Variants in MFAP5 observed in about 807,000 individuals in gnomAD.
MFAP5 encodes the protein microfibril associated protein 5.
A neutral mutation model predicts 30.1 loss-of-function variants in MFAP5; 19 were observed. The observed-to-expected ratio is 0.63, with a 90% CI of 0.44 to 0.93. The LOEUF (loss-of-function observed/expected upper bound fraction) is 0.93. Among genes scored for constraint, MFAP5 ranks in the 40% least tolerant of loss-of-function variants. MFAP5 has a pLI of 0.00. For missense variants in MFAP5, 210 were observed against 221.3 expected, an observed-to-expected ratio of 0.95 and a Z score of 0.32; for synonymous variants, 92 against 72.9, an observed-to-expected ratio of 1.26 and a Z score of -1.33.
chr12:8,658,101 C>G (rs763444242), intron 3 of MFAP5, among the ~76,000 whole-genome samples: 3 of 152,220 alleles, frequency 2.0e-5, no homozygotes, highest in Admixed American at 2.0e-4. Flanking sequence ...GTAATCCCAG[C>G]ATTTTGGGAG....
intron 9 of MFAP5, among the ~76,000 whole-genome samples, chr12:8,648,795 G>A (rs61354288): frequency 0.018 from 2,756 of 152,254 alleles, 77 homozygotes; most frequent in African/African-American, 0.063. Context: ...AGCACAAAGC[G>A]GGCTGCTGAG....
rs777242064 is a variant in MFAP5 at position 8,649,532 on chromosome 12, A to T, written c.378T>A (p.Arg126=). ...MYIVNKEICS[R]LVCKEHEAMK... ...TAGCTTCGTGTTCCTTACAGACAAG[A>T]CGAGAGCAGATCTCCTTGTTGACGA... The change falls in exon 9 of 10, where the codon CGT becomes CGA. Residue 126 remains arginine (R), a synonymous_variant. Transcript: ENST00000359478. 1.2e-6 allele frequency: 2 copies of T among 1,614,100 alleles called. No individual in the cohort carries two copies. Among genetic ancestry groups the T allele is most frequent in the South Asian group, 2.2e-5 (2 of 91,076 alleles).
chr12:8,652,182 C>T (rs774119750), intron 6 of MFAP5, among the ~76,000 whole-genome samples: 7 of 152,228 alleles, frequency 4.6e-5, no homozygotes, highest in Admixed American at 2.6e-4. Context: ...CAATGGCTCA[C>T]ACCTGTAATC....
chr12:8,662,411 CT>C, intron 1 of MFAP5: 2 of 295,084 alleles, frequency 6.8e-6, no homozygotes, highest in Admixed American at 9.5e-5. Context: ...TCTTTCACCC[CT>C]GATGTGGAAT....
At chr12:8,661,208 C>T (rs957534330) in intron 2 of MFAP5, among the ~76,000 whole-genome samples, 1 of 152,160 alleles carries the variant, frequency 6.6e-6, no homozygotes, top group East Asian at 1.9e-4. Flanking sequence ...GAATGAAGTC[C>T]AGCTCCACTG....
chr12:8,648,368 C>T, intron 9 of MFAP5, 165 bp from the exon 10 acceptor site: 14 of 920,854 alleles, frequency 1.5e-5, no homozygotes, highest in South Asian at 1.5e-4. Flanking sequence ...TTTGCCACTT[C>T]CTAGAAAGTT....
At chr12:8,651,584 A>G (rs768001543) in intron 7 of MFAP5, 78 bp downstream of exon 7, 69 of 1,369,044 alleles carry the variant, frequency 5.0e-5, no homozygotes, top group Non-Finnish European at 6.7e-5. Flanking sequence ...TGTGCCAAGT[A>G]CCCTCCAAAG....
chr12:8,654,513 G>T (rs770361229), intron 5 of MFAP5, 32 bp from the exon 6 acceptor site: 57 of 1,586,094 alleles, frequency 3.6e-5, no homozygotes, highest in Non-Finnish European at 4.5e-5. Context: ...GGTATGAGGA[G>T]GGCTTCAAAT....
intron 3 of MFAP5, among the ~76,000 whole-genome samples, chr12:8,657,715 G>A (rs1942045313): frequency 6.6e-6 from 1 of 151,604 alleles, no homozygotes. Context: ...TGGGACACAG[G>A]CATGTGCCAC....
At position 8,647,487 on chromosome 12, in the gene MFAP5, A is replaced by G. The variant is rs1941713492; in HGVS notation, c.*604T>C. ...CAGAAGACATTTTGGGTCCTTATAT[A>G]TTGCTAGTAGGATTGTATAATTCTT... On this transcript the variant is annotated 3_prime_UTR_variant, in exon 10 of 10. Transcript: ENST00000359478. 6.6e-6 allele frequency: 1 copy of G among 152,210 alleles called. No homozygotes were observed. Among genetic ancestry groups the G allele is most frequent in the Non-Finnish European group, 1.5e-5 (1 of 68,044 alleles). 9.4% of individuals were successfully genotyped at this position (152,210 alleles called of 1,614,324 possible).
chr12:8,656,895 T>C (rs2136475096), intron 3 of MFAP5, among the ~76,000 whole-genome samples: 1 of 152,202 alleles, frequency 6.6e-6, no homozygotes, highest in African/African-American at 2.4e-5. Flanking sequence ...CTTGAACTCC[T>C]GACCTCAGGT....
intron 8 of MFAP5, among the ~76,000 whole-genome samples, chr12:8,649,833 T>C (rs1476190727): frequency 1.3e-5 from 2 of 152,244 alleles, no homozygotes; most frequent in Non-Finnish European, 2.9e-5. Context: ...TTTGGTTACA[T>C]GGATAAGTTC....
Position 8,651,011 on chromosome 12 carries a change from A to AT in MFAP5, c.248-423_248-422insA, listed in dbSNP as rs1941823902. Among the ~76,000 whole-genome samples the AT allele has an allele frequency of 7.2e-5, 11 of 152,220 alleles. 1 individual carries two copies. The South Asian group carries it at 1.5e-3, about 20-fold the overall frequency. On this transcript the variant is annotated intron_variant, in intron 7 of 9. Coordinates refer to ENST00000359478, the MANE Select transcript of MFAP5 (RefSeq NM_003480.4). ...GTAAAACCCCGTCTCTACTGAAAAT[A>AT]CAAAAATTAGCCAGGAGTGGTGGCA...
In MFAP5 at chr12:8,647,954, T is replaced by G; in HGVS notation, c.*137A>C. The G allele has an allele frequency of 1.8e-6, 1 of 568,518 alleles. No individual in the cohort carries two copies. Among genetic ancestry groups the G allele is most frequent in the Non-Finnish European group, 3.1e-6 (1 of 320,046 alleles). 35.2% of individuals were successfully genotyped at this position (568,518 alleles called of 1,614,324 possible). On this transcript the variant is annotated 3_prime_UTR_variant, in exon 10 of 10. Transcript: ENST00000359478. ...TCAGTTTGGGTGAAAAAGTAGAGAG[T>G]AGGGGTAAAAGCTGGACATTGCAAA...
intron 4 of MFAP5, 115 bp from the exon 5 acceptor site, chr12:8,655,562 G>T: frequency 8.7e-7 from 1 of 1,145,166 alleles, no homozygotes. Context: ...GTGAAAGCCT[G>T]TGGACTCGGG....
At chr12:8,655,603 AAG>A (rs1247963643) in intron 4 of MFAP5, among the ~76,000 whole-genome samples, 156 bp from the exon 5 acceptor site, 2 of 152,310 alleles carry the variant, frequency 1.3e-5, no homozygotes, top group East Asian at 3.9e-4. Flanking sequence ...AAAGAAATGG[AAG>A]AGAGAGTAAG....
At chr12:8,655,706 AT>A in intron 4 of MFAP5, 79 bp downstream of exon 4, 1 of 1,515,610 alleles carries the variant, frequency 6.6e-7, no homozygotes, top group South Asian at 1.1e-5. Flanking sequence ...TGAAGTCTTT[AT>A]TTTTCTTTAT....
At position 8,655,396 on chromosome 12, in the gene MFAP5, TAAC is replaced by T; in HGVS notation, c.172+16_172+18del. On this transcript the variant is annotated intron_variant, in intron 5 of 9. Coordinates refer to ENST00000359478, the MANE Select transcript of MFAP5 (RefSeq NM_003480.4). ...AACAAGAACCATGCCATTTTTTTTT[TAAC>T]TGCGGTAAAATTTACCTGTTTCATC... 1 of 1,580,242 alleles carries T rather than the reference TAAC, an allele frequency of 6.3e-7. No individual in the cohort carries two copies. Among genetic ancestry groups the T allele is most frequent in the Admixed American group, 1.8e-5 (1 of 55,236 alleles).
intron 5 of MFAP5, 115 bp from the exon 6 acceptor site, chr12:8,654,596 G>T: frequency 1.1e-5 from 10 of 939,666 alleles, no homozygotes; most frequent in Non-Finnish European, 1.7e-5. Context: ...GTCTGGCTTT[G>T]TGTTTTATGT....
Sources: gnomAD v4.1 joint callset for allele counts (sites outside exome capture counted in the v4.1 genomes callset) on GRCh38, gnomAD v4.1.1 for gene constraint, MANE v1.5 for transcripts, NCBI Gene and HGNC (gene_info 2026-07-23, HGNC 2026-07-21) for gene names.